ABCC8: variants seen among roughly 807,000 people sequenced by gnomAD.
ABCC8 encodes the protein ATP binding cassette subfamily C member 8.
A neutral mutation model predicts 188.0 loss-of-function variants in ABCC8; 137 were observed. The ratio of observed to expected loss-of-function variants is 0.73; its 90% CI spans 0.63 to 0.84. The LOEUF is 0.84. ABCC8 is among the 40% of genes least tolerant of loss of function. The probability of loss-of-function intolerance (pLI) is 0.00; values close to 1 mark genes in which losing one functional copy is unlikely to be tolerated. For missense variants in ABCC8, 1,750 were observed against 2,072.7 expected, an observed-to-expected ratio of 0.84 and a Z score of 3.02; for synonymous variants, 797 against 846.5, an observed-to-expected ratio of 0.94 and a Z score of 1.01.
At chr11:17,419,026 G>A (rs1955213947) in intron 16 of ABCC8, among the ~76,000 whole-genome samples, 1 of 152,190 alleles carries the variant, frequency 6.6e-6, no homozygotes, top group Non-Finnish European at 1.5e-5. Flanking sequence ...AGGATACTGA[G>A]ACTCAGAGTT....
chr11:17,441,939 G>A (rs1161402911), intron 10 of ABCC8, among the ~76,000 whole-genome samples: 1 of 152,140 alleles, frequency 6.6e-6, no homozygotes, highest in Non-Finnish European at 1.5e-5. Context: ...AATTAGTCGG[G>A]TGTGGTGGTG....
intron 3 of ABCC8, among the ~76,000 whole-genome samples, chr11:17,466,474 A>G (rs2133697882): frequency 6.6e-6 from 1 of 151,816 alleles, no homozygotes; most frequent in East Asian, 1.9e-4. Context: ...ATTCATAGAT[A>G]GAAAGTAGAA....
chr11:17,457,973 A>T (rs1342455531), intron 6 of ABCC8, among the ~76,000 whole-genome samples: 3 of 152,178 alleles, frequency 2.0e-5, no homozygotes, highest in Non-Finnish European at 2.9e-5. Flanking sequence ...AGACCAGAAT[A>T]GCACTCGGTT....
chr11:17,474,853 T>C (rs1848668938), intron 2 of ABCC8, 33 bp downstream of exon 2: 1 of 1,609,150 alleles, frequency 6.2e-7, no homozygotes. Flanking sequence ...CTGGAGCAGA[T>C]TCACTTTCCT....
intron 2 of ABCC8, chr11:17,470,431 CCTTA>C (rs1848418555): frequency 6.1e-6 from 2 of 328,166 alleles, no homozygotes; most frequent in East Asian, 3.4e-4. Context: ...GATCTGGAGG[CCTTA>C]CTATGTGCTG....
At position 17,435,759 on chromosome 11, in the gene ABCC8, T is replaced by C. The variant is rs554249968; in HGVS notation, c.1631-3515A>G. On this transcript the variant is annotated intron_variant, in intron 10 of 38. Coordinates refer to ENST00000389817, the MANE Select transcript of ABCC8 (RefSeq NM_000352.6). ...GGTATAGCTGGGGAATCTTCAGGCC[T>C]TTTCCTAGGTCCCACATCAAGTGTC... 8.0e-5 allele frequency: 107 copies of C among 1,345,062 alleles called. No individual in the cohort carries two copies. In the African/African-American group the frequency reaches 1.4e-3, roughly 18 times the overall value. 83.3% of individuals were successfully genotyped at this position (1,345,062 alleles called of 1,614,324 possible).
rs1432083314 is a variant in ABCC8 at position 17,470,082 on chromosome 11, C to T, written c.412+19G>A. The T allele has an allele frequency of 1.9e-6, 3 of 1,613,744 alleles. No homozygotes were observed. The highest frequency in any genetic ancestry group is 2.5e-6 in the Non-Finnish European group (3 of 1,179,816). ...GAAATGAATGAAGGTACTGCCCCTC[C>T]CTCCTACACCTCACCTACCAATTAG... On this transcript the variant is annotated intron_variant, in intron 3 of 38. Coordinates refer to ENST00000389817, the MANE Select transcript of ABCC8 (RefSeq NM_000352.6).
At chr11:17,424,961 A>G (rs1955515888) in intron 16 of ABCC8, among the ~76,000 whole-genome samples, 1 of 152,196 alleles carries the variant, frequency 6.6e-6, no homozygotes, top group Admixed American at 6.5e-5. Context: ...CACTTAGCAA[A>G]GGGCATGGCC....
chr11:17,472,489 A>G (rs762754502), intron 2 of ABCC8, among the ~76,000 whole-genome samples: 9 of 152,210 alleles, frequency 5.9e-5, no homozygotes, highest in South Asian at 2.1e-4. Context: ...GGCTGCCTTA[A>G]TCAGCCCCCT....
chr11:17,461,897 G>A (rs1957208005), intron 4 of ABCC8, 72 bp from the exon 5 acceptor site: 20 of 1,601,452 alleles, frequency 1.2e-5, no homozygotes, highest in Non-Finnish European at 1.7e-5. Flanking sequence ...CCCCAGCAAG[G>A]ATCTGGGGTT....
intron 7 of ABCC8, among the ~76,000 whole-genome samples, chr11:17,452,202 T>C (rs1470393118): frequency 6.6e-6 from 1 of 152,224 alleles, no homozygotes; most frequent in Non-Finnish European, 1.5e-5. Context: ...AGAGGGGCCC[T>C]GAACACTCCC....
intron 8 of ABCC8, chr11:17,443,538 G>T: frequency 1.7e-6 from 1 of 577,534 alleles, no homozygotes; most frequent in Non-Finnish European, 3.1e-6. Context: ...TGCTGGGCTG[G>T]TAACTAACTG....
chr11:17,451,956 A>T (rs1042581896), intron 7 of ABCC8, among the ~76,000 whole-genome samples: 2 of 152,196 alleles, frequency 1.3e-5, no homozygotes, highest in African/African-American at 2.4e-5. Context: ...TTCAATACCC[A>T]CCATGGCTAT....
rs1373547140 is a variant in ABCC8, at chr11:17,448,501, C to T, written c.1332+15G>A. ...TCCTGCTGCCCCCCTCCCTTCCCCTCAGCCCATCTAGTACCTGTACTGGCA... is the reference window on the plus strand; with the variant it reads ...TCCTGCTGCCCCCCTCCCTTCCCCTTAGCCCATCTAGTACCTGTACTGGCA... On this transcript the variant is annotated intron_variant, in intron 8 of 38. Transcript: ENST00000389817. The T allele has an allele frequency of 6.2e-7, 1 of 1,612,656 alleles. No homozygotes were observed. Among genetic ancestry groups the T allele is most frequent in the Non-Finnish European group, 8.5e-7 (1 of 1,178,860 alleles).
intron 16 of ABCC8, among the ~76,000 whole-genome samples, chr11:17,421,290 T>C (rs1955330461): frequency 6.6e-6 from 1 of 152,202 alleles, no homozygotes; most frequent in Admixed American, 6.5e-5. Context: ...TAATACCATG[T>C]GAGGTATGCA....
At chr11:17,415,212 G>A (rs1347388559) in intron 18 of ABCC8, 92 bp downstream of exon 18, 1 of 1,531,626 alleles carries the variant, frequency 6.5e-7, no homozygotes, top group East Asian at 2.4e-5. Flanking sequence ...TGGGGTCTGG[G>A]GGCTGCCCAG....
In ABCC8 at chr11:17,395,549, C is replaced by T. The variant is rs546987066; in HGVS notation, c.4307+61G>A. The T allele has an allele frequency of 4.1e-5, 63 of 1,534,182 alleles. 1 individual carries two copies. In the East Asian group the frequency reaches 7.1e-4, roughly 17 times the overall value. ...CCCCAACCCCCTCCTCTTTGTGCTCCAGATCTGATGGAACTGAGCCGGCCT... is the reference window on the plus strand; with the variant it reads ...CCCCAACCCCCTCCTCTTTGTGCTCTAGATCTGATGGAACTGAGCCGGCCT... On this transcript the variant is annotated intron_variant, in intron 35 of 38. Transcript: ENST00000389817.
intron 33 of ABCC8, 29 bp downstream of exon 33, chr11:17,396,887 G>A: frequency 6.2e-7 from 1 of 1,612,328 alleles, no homozygotes; most frequent in Non-Finnish European, 8.5e-7. Flanking sequence ...CGCCTGTCCT[G>A]CAGCATTGGG....
Position 17,463,658 on chromosome 11 carries a change from C to A in ABCC8, c.413-54G>T. 3 of 1,551,746 alleles carry A rather than the reference C, an allele frequency of 1.9e-6. No homozygotes were observed. The South Asian group carries it at 3.6e-5, about 19-fold the overall frequency. On this transcript the variant is annotated intron_variant, in intron 3 of 38. Coordinates refer to ENST00000389817, the MANE Select transcript of ABCC8 (RefSeq NM_000352.6). ...GACGTGTGTGCATCATGTGTGTACA[C>A]TCACATAATGTGTGCAAGTATGTGG...
Sources: allele counts gnomAD v4.1 joint callset (sites outside exome capture counted in the v4.1 genomes callset), GRCh38; gene constraint gnomAD v4.1.1; transcripts MANE v1.5; gene names NCBI Gene and HGNC (gene_info 2026-07-23, HGNC 2026-07-21).